The following LCLAT1 variants were observed in gnomAD, a reference collection of about 807,000 sequenced individuals.
LCLAT1 encodes the protein lysocardiolipin acyltransferase 1, also known as 1-AGP acyltransferase 8.
Under a neutral mutation model 30.7 loss-of-function variants are expected in LCLAT1, and 11 were observed. That is an observed-to-expected ratio of 0.36 (90% CI 0.23 to 0.59). LCLAT1 has a LOEUF of 0.59. Ranked by LOEUF, LCLAT1 falls within the 20% of genes least tolerant of loss-of-function variation. The pLI is 0.77. For missense variants in LCLAT1, 402 were observed against 458.6 expected (o/e 0.88, Z 1.13); for synonymous variants, 155 against 151.3 (o/e 1.02, Z -0.18).
intron 1 of LCLAT1, among the ~76,000 whole-genome samples, chr2:30,462,833 T>G (rs1010307035): frequency 2.0e-5 from 3 of 152,218 alleles, no homozygotes; most frequent in Non-Finnish European, 4.4e-5. Context: ...TAGTAGAACA[T>G]GAGAATAAAC....
At chr2:30,585,082 G>A (rs557368026) in intron 5 of LCLAT1, among the ~76,000 whole-genome samples, 28 of 151,766 alleles carry the variant, frequency 1.8e-4, no homozygotes, top group Non-Finnish European at 3.7e-4. Flanking sequence ...TGATCATCAC[G>A]ATGATGGGCT....
intron 5 of LCLAT1, among the ~76,000 whole-genome samples, chr2:30,638,306 A>G (rs147992009): frequency 5.3e-5 from 8 of 152,342 alleles, no homozygotes; most frequent in African/African-American, 1.4e-4. Flanking sequence ...GGTAAAATGT[A>G]AAGAGTGAAA....
chr2:30,448,024 A>G (rs1681352432), intron 1 of LCLAT1, among the ~76,000 whole-genome samples: 1 of 152,226 alleles, frequency 6.6e-6, no homozygotes, highest in African/African-American at 2.4e-5. Flanking sequence ...CATTTGAAGA[A>G]AAGAAGTTGA....
At chr2:30,611,278 C>T (rs899634501) in intron 5 of LCLAT1, among the ~76,000 whole-genome samples, 3 of 152,058 alleles carry the variant, frequency 2.0e-5, no homozygotes, top group Non-Finnish European at 4.4e-5. Flanking sequence ...AGCATATATT[C>T]TAATTTGCTG....
intron 5 of LCLAT1, chr2:30,607,486 CT>C (rs1667507828): frequency 6.6e-6 from 1 of 152,062 alleles, no homozygotes; most frequent in Admixed American, 6.5e-5. Flanking sequence ...TAGAAAATTC[CT>C]ATCACCTGGT....
At chr2:30,567,970 T>C (rs1665569772) in intron 4 of LCLAT1, 90 bp from the exon 5 acceptor site, 3 of 670,258 alleles carry the variant, frequency 4.5e-6, no homozygotes, top group South Asian at 2.0e-5. Context: ...TTAACAGCTA[T>C]TTTTTATCAA....
At chr2:30,574,472 G>T (rs1195006139) in intron 5 of LCLAT1, among the ~76,000 whole-genome samples, 1 of 152,154 alleles carries the variant, frequency 6.6e-6, no homozygotes, top group Non-Finnish European at 1.5e-5. Flanking sequence ...ATCCTGAACA[G>T]CATCCTTATG....
chr2:30,639,321 A>T (rs978336839), intron 5 of LCLAT1, among the ~76,000 whole-genome samples: 1 of 152,108 alleles, frequency 6.6e-6, no homozygotes, highest in African/African-American at 2.4e-5. Flanking sequence ...GAACATCTTG[A>T]GTGAGGTTTA....
At chr2:30,503,197 T>C (rs1475394439) in intron 1 of LCLAT1, among the ~76,000 whole-genome samples, 1 of 152,126 alleles carries the variant, frequency 6.6e-6, no homozygotes, top group East Asian at 1.9e-4. Context: ...TAATGGACAA[T>C]GGGGGCAGCT....
intron 5 of LCLAT1, among the ~76,000 whole-genome samples, chr2:30,583,486 A>T (rs1280154592): frequency 6.6e-6 from 1 of 152,088 alleles, no homozygotes; most frequent in Non-Finnish European, 1.5e-5. Flanking sequence ...TAGTCCATCC[A>T]CTTGTAAACA....
chr2:30,614,860 C>G (rs1013629808), intron 5 of LCLAT1, among the ~76,000 whole-genome samples: 4 of 151,970 alleles, frequency 2.6e-5, no homozygotes, highest in African/African-American at 7.3e-5. Flanking sequence ...CCAGGCCATC[C>G]ACAAAGAAGA....
rs113363557 is a variant in LCLAT1, at chr2:30,479,484, C to A, written c.-5+32101C>A. 3.6e-3 allele frequency among the ~76,000 whole-genome samples: 554 copies of A among 152,246 alleles called. 3 individuals carry two copies. The highest frequency in any genetic ancestry group is 5.9e-3 in the Non-Finnish European group (404 of 68,012). On this transcript the variant is annotated intron_variant, in intron 1 of 5. Transcript: ENST00000379509. ...CTGGTCTAGAACTCCTGGACTCAAG[C>A]AGTCCCTCTGCCTCAGCCTCGCAAA...
chr2:30,592,203 G>A lies in LCLAT1; in HGVS notation c.628+24027G>A, dbSNP rs563786928. Among the ~76,000 whole-genome samples, 192 of 152,234 alleles carry A rather than the reference G, an allele frequency of 1.3e-3. 3 individuals are homozygous for A. Among genetic ancestry groups the A allele is most frequent in the Non-Finnish European group, 2.2e-3 (151 of 68,018 alleles). Reference sequence around the variant, plus strand: ...ACATCAAAGAAATGAACCAAAACTCGGGCATGGAAAGGAAAATTGAAAAAC... The same window carrying A: ...ACATCAAAGAAATGAACCAAAACTCAGGCATGGAAAGGAAAATTGAAAAAC... On this transcript the variant is annotated intron_variant, in intron 5 of 5. Transcript: ENST00000379509.
intron 1 of LCLAT1, among the ~76,000 whole-genome samples, chr2:30,508,571 G>A (rs1684785540): frequency 6.6e-6 from 1 of 152,136 alleles, no homozygotes; most frequent in Non-Finnish European, 1.5e-5. Flanking sequence ...TAGGCGTGAT[G>A]CCTTATTTCT....
At chr2:30,580,283 T>G (rs1048623880) in intron 5 of LCLAT1, among the ~76,000 whole-genome samples, 1 of 152,190 alleles carries the variant, frequency 6.6e-6, no homozygotes, top group African/African-American at 2.4e-5. Context: ...TTTTCCAGCA[T>G]AGTTGGCCTA....
intron 5 of LCLAT1, among the ~76,000 whole-genome samples, chr2:30,612,372 C>T (rs1240029723): frequency 6.6e-6 from 1 of 152,102 alleles, no homozygotes; most frequent in African/African-American, 2.4e-5. Context: ...GCTCCTTAAA[C>T]CTATAAAAGG....
chr2:30,472,095 C>G (rs1457229790), intron 1 of LCLAT1, among the ~76,000 whole-genome samples: 1 of 152,026 alleles, frequency 6.6e-6, no homozygotes, highest in African/African-American at 2.4e-5. Flanking sequence ...TTTAAAGAAG[C>G]TAATTTAAAA....
intron 5 of LCLAT1, among the ~76,000 whole-genome samples, chr2:30,583,296 A>G (rs1666284885): frequency 6.6e-6 from 1 of 152,216 alleles, no homozygotes; most frequent in Non-Finnish European, 1.5e-5. Context: ...ATAGGTAGCA[A>G]TTACAAGTCA....
At chr2:30,463,544 A>G (rs890233579) in intron 1 of LCLAT1, among the ~76,000 whole-genome samples, 1 of 152,238 alleles carries the variant, frequency 6.6e-6, no homozygotes, top group African/African-American at 2.4e-5. Context: ...CCATGGATCA[A>G]AAATATTTGA....
Sources: gnomAD v4.1 joint callset for allele counts (sites outside exome capture counted in the v4.1 genomes callset) on GRCh38, gnomAD v4.1.1 for gene constraint, MANE v1.5 for transcripts, NCBI Gene and HGNC (gene_info 2026-07-23, HGNC 2026-07-21) for gene names.